Variants in N4BP1 observed in about 807,000 individuals in gnomAD.
N4BP1 encodes the protein NEDD4 binding protein 1.
Under a neutral mutation model 70.9 loss-of-function variants are expected in N4BP1, and 21 were observed. The observed-to-expected ratio is 0.30, with a 90% confidence interval of 0.21 to 0.43. The LOEUF (loss-of-function observed/expected upper bound fraction) is 0.43. N4BP1 is among the 20% of genes least tolerant of loss of function. The pLI is 1.00. For synonymous variants in N4BP1, 387 were observed against 394.6 expected, an observed-to-expected ratio of 0.98 and a Z score of 0.23; for missense variants, 936 against 1,069.4, an observed-to-expected ratio of 0.88 and a Z score of 1.74.
chr16:48,543,433 A>C (rs1205473086), intron 6 of N4BP1, among the ~76,000 whole-genome samples, 172 bp from the exon 7 acceptor site: 1 of 152,066 alleles, frequency 6.6e-6, no homozygotes, highest in Non-Finnish European at 1.5e-5. Context: ...CCCACAGAGG[A>C]GCCTGCGGGG....
chr16:48,555,909 A>G (rs1327569007), intron 2 of N4BP1, among the ~76,000 whole-genome samples: 3 of 152,200 alleles, frequency 2.0e-5, no homozygotes, highest in Non-Finnish European at 4.4e-5. Context: ...ACTTTGACAG[A>G]TACAAATGTG....
At chr16:48,553,352 C>T (rs187847242) in intron 3 of N4BP1, among the ~76,000 whole-genome samples, 187 bp downstream of exon 3, 25 of 152,304 alleles carry the variant, frequency 1.6e-4, no homozygotes, top group African/African-American at 5.8e-4. Flanking sequence ...TCCATCCTAC[C>T]TCCTAGTATT....
At position 48,561,241 on chromosome 16, in the gene N4BP1, T is replaced by C. The variant is rs752226610; in HGVS notation, c.1402A>G (p.Ile468Val). 2 of 1,614,036 alleles carry C rather than the reference T, an allele frequency of 1.2e-6. No individual in the cohort carries two copies. The highest frequency in any genetic ancestry group is 1.7e-5 in the Admixed American group (1 of 60,014). Residue 468 changes from isoleucine to valine, a missense_variant, in exon 2 of 7, where the codon ATA becomes GTA. By Grantham distance (29) the Ile-to-Val change is conservative (BLOSUM62 3). Coordinates refer to ENST00000262384, the MANE Select transcript of N4BP1 (RefSeq NM_153029.4). Reference protein sequence around the residue: ...CRINTFRTVPIEQKHEVWGSN... With the variant: ...CRINTFRTVPVEQKHEVWGSN... ...CCCCAGACTTCATGTTTCTGTTCTA[T>C]TGGCACTGTTCTGAAAGTATTAATT... is the stretch of plus-strand genomic sequence containing the variant.
At chr16:48,559,078 G>A (rs1963804478) in intron 2 of N4BP1, among the ~76,000 whole-genome samples, 1 of 152,072 alleles carries the variant, frequency 6.6e-6, no homozygotes, top group South Asian at 2.1e-4. Context: ...TAATAGGGGT[G>A]GAAAGAAGAA....
chr16:48,570,232 C>T (rs1367708523), intron 1 of N4BP1, among the ~76,000 whole-genome samples: 1 of 152,178 alleles, frequency 6.6e-6, no homozygotes, highest in Non-Finnish European at 1.5e-5. Flanking sequence ...AACCAGAAGG[C>T]TTTTCCTGGT....
intron 2 of N4BP1, among the ~76,000 whole-genome samples, chr16:48,555,526 C>T (rs992559558): frequency 6.6e-6 from 1 of 152,216 alleles, no homozygotes. Flanking sequence ...ATTTCAGAGG[C>T]TCTTACCCCA....
At chr16:48,587,910 A>G (rs192750404) in intron 1 of N4BP1, among the ~76,000 whole-genome samples, 1 of 152,228 alleles carries the variant, frequency 6.6e-6, no homozygotes, top group Admixed American at 6.5e-5. Flanking sequence ...CTGAAGAGAG[A>G]GGAATTCATC....
chr16:48,552,350 A>T (rs1469296366), intron 3 of N4BP1, among the ~76,000 whole-genome samples: 2 of 152,092 alleles, frequency 1.3e-5, no homozygotes, highest in Non-Finnish European at 1.5e-5. Context: ...CCACACCTGC[A>T]TTCCCTACAA....
intron 1 of N4BP1, among the ~76,000 whole-genome samples, chr16:48,583,284 C>T (rs1381112446): frequency 6.6e-6 from 1 of 151,914 alleles, no homozygotes; most frequent in East Asian, 1.9e-4. Flanking sequence ...AACCTGAAAA[C>T]ATGAGGTTAA....
intron 1 of N4BP1, among the ~76,000 whole-genome samples, chr16:48,597,165 C>T (rs1964427453): frequency 6.6e-6 from 1 of 152,214 alleles, no homozygotes; most frequent in South Asian, 2.1e-4. Flanking sequence ...GAACTCCAGT[C>T]TCCCACACAG....
At chr16:48,598,937 A>G (rs1041882122) in intron 1 of N4BP1, among the ~76,000 whole-genome samples, 3 of 152,118 alleles carry the variant, frequency 2.0e-5, no homozygotes, top group Admixed American at 6.5e-5. Context: ...TAATAAACAC[A>G]CTTTAAGTTA....
At chr16:48,560,376 TA>T (rs3842356) in intron 2 of N4BP1, among the ~76,000 whole-genome samples, 61,167 of 151,518 alleles carry the variant, frequency 0.4, 13,302 homozygotes, top group African/African-American at 0.56. Context: ...CATAATAAGA[TA>T]AAAAAAAATC....
chr16:48,565,148 C>T (rs969553936), intron 1 of N4BP1, among the ~76,000 whole-genome samples: 1 of 152,054 alleles, frequency 6.6e-6, no homozygotes, highest in Admixed American at 6.6e-5. Flanking sequence ...ATTTATATGC[C>T]GTTTATTTTC....
chr16:48,589,659 G>A (rs893419255), intron 1 of N4BP1, among the ~76,000 whole-genome samples: 4 of 152,122 alleles, frequency 2.6e-5, no homozygotes, highest in African/African-American at 7.2e-5. Flanking sequence ...TGAGAAAATC[G>A]ATTTATAGCC....
chr16:48,595,353 C>T (rs1264803303), intron 1 of N4BP1, among the ~76,000 whole-genome samples: 11 of 144,190 alleles, frequency 7.6e-5, no homozygotes, highest in Admixed American at 7.3e-4. Flanking sequence ...ATTCCAGCTA[C>T]TAGGGAGGCA....
At chr16:48,550,990 A>G (rs888807395) in intron 4 of N4BP1, among the ~76,000 whole-genome samples, 1 of 152,148 alleles carries the variant, frequency 6.6e-6, no homozygotes, top group Non-Finnish European at 1.5e-5. Flanking sequence ...AGACACTTCT[A>G]TTATGTAGAA....
At chr16:48,545,324 C>T (rs887485515) in intron 6 of N4BP1, among the ~76,000 whole-genome samples, 5 of 149,692 alleles carry the variant, frequency 3.3e-5, no homozygotes, top group African/African-American at 7.3e-5. Context: ...AATCCCAGCA[C>T]TTTAGGAGGC....
chr16:48,560,336 A>C (rs2151088959), intron 2 of N4BP1, among the ~76,000 whole-genome samples: 1 of 152,120 alleles, frequency 6.6e-6, no homozygotes, highest in East Asian at 1.9e-4. Context: ...ACCACTGCAC[A>C]CTCTTGGCTA....
chr16:48,609,780 C>A lies in N4BP1; in HGVS notation c.193G>T (p.Ala65Ser). The change falls in exon 1 of 7, where the codon GCC becomes TCC. Residue 65 changes from alanine (A) to serine (S), a missense_variant. Physicochemically the swap from Ala to Ser is moderately conservative, Grantham distance 99. Coordinates refer to ENST00000262384, the MANE Select transcript of N4BP1 (RefSeq NM_153029.4). ...GGGGCGGCGGCCGGACTCACCTTGG[C>A]GCTGTGCACCGCCTCCTGCGCCCCG... is the stretch of plus-strand genomic sequence containing the variant. ...LCGAQEAVHS[A>S]KEYIKGICEP... 1.4e-6 allele frequency: 2 copies of A among 1,447,888 alleles called. No homozygotes were observed. Among genetic ancestry groups the A allele is most frequent in the Non-Finnish European group, 1.8e-6 (2 of 1,102,344 alleles). The allele number at this position is 1,447,888 out of a possible 1,614,324, so 89.7% of individuals were successfully genotyped here.
Sources: allele counts gnomAD v4.1 joint callset (sites outside exome capture counted in the v4.1 genomes callset), GRCh38; gene constraint gnomAD v4.1.1; transcripts MANE v1.5; gene names NCBI Gene and HGNC (gene_info 2026-07-23, HGNC 2026-07-21).